CCDC40: variants seen among roughly 807,000 people sequenced by gnomAD.
CCDC40 encodes coiled-coil domain 40 molecular ruler complex subunit.
A neutral mutation model predicts 124.5 loss-of-function variants in CCDC40; 104 were observed. The ratio of observed to expected loss-of-function variants is 0.84; its 90% confidence interval spans 0.71 to 0.98. The LOEUF is 0.98. CCDC40 is among the 50% of genes least tolerant of loss of function. The probability of loss-of-function intolerance (pLI) is 0.00; values close to 1 mark genes in which losing one functional copy is unlikely to be tolerated. For missense variants in CCDC40, 1,463 were observed against 1,503.9 expected, an observed-to-expected ratio of 0.97 and a Z score of 0.45; for synonymous variants, 580 against 602.9, an observed-to-expected ratio of 0.96 and a Z score of 0.56.
intron 10 of CCDC40, among the ~76,000 whole-genome samples, chr17:80,077,249 C>T (rs1435764521): frequency 6.6e-6 from 1 of 152,026 alleles, no homozygotes; most frequent in Non-Finnish European, 1.5e-5. Flanking sequence ...TGCTTGCCGG[C>T]CGTGGTGGCT....
chr17:80,068,687 C>G (rs566212966), intron 10 of CCDC40, among the ~76,000 whole-genome samples: 37 of 152,054 alleles, frequency 2.4e-4, no homozygotes, highest in African/African-American at 8.9e-4. Context: ...TGGGGCAGGA[C>G]CCCCTGGCCC....
chr17:80,046,307 G>C (rs527415196), intron 3 of CCDC40, among the ~76,000 whole-genome samples: 13 of 152,138 alleles, frequency 8.5e-5, no homozygotes, highest in Non-Finnish European at 1.6e-4. Flanking sequence ...AAAGCGGAAA[G>C]GCTGAATGAG....
intron 5 of CCDC40, 44 bp from the exon 6 acceptor site, chr17:80,049,862 G>A (rs745997934): frequency 6.4e-7 from 1 of 1,568,106 alleles, no homozygotes; most frequent in Non-Finnish European, 8.8e-7. Flanking sequence ...TCGGGCAGGA[G>A]GGTAACCAGA....
chr17:80,056,268 C>T (rs1252516428), intron 7 of CCDC40, among the ~76,000 whole-genome samples: 2 of 151,574 alleles, frequency 1.3e-5, no homozygotes, highest in African/African-American at 2.4e-5. Flanking sequence ...ACCCACTGCT[C>T]GGTTCCTCGC....
rs372392201 is a variant in CCDC40 at position 80,050,251 on chromosome 17, C to G, written c.1127C>G (p.Thr376Ser). Reference sequence around the variant, plus strand: ...GCCGCCCGCGCTCTCTACACCAAGACCTGCGCAGCCGCCAACGAGGAGCGC... The same window carrying G: ...GCCGCCCGCGCTCTCTACACCAAGAGCTGCGCAGCCGCCAACGAGGAGCGC... ...LQAARALYTK[T>S]CAAANEERKK... Residue 376 changes from threonine (T) to serine (S), a missense_variant, in exon 7 of 20, where the codon ACC becomes AGC. By Grantham distance (58) the Thr-to-Ser change is moderately conservative (BLOSUM62 1). Transcript: ENST00000397545. 2.2e-4 allele frequency: 347 copies of G among 1,585,132 alleles called. No individual in the cohort carries two copies. The highest frequency in any genetic ancestry group is 2.9e-4 in the Non-Finnish European group (342 of 1,167,596).
At chr17:80,096,126 G>A (rs542358034) in intron 18 of CCDC40, among the ~76,000 whole-genome samples, 69 of 152,344 alleles carry the variant, frequency 4.5e-4, no homozygotes, top group Middle Eastern at 3.4e-3. Flanking sequence ...GCAGGGCCTC[G>A]TCTGCTGGGG....
At chr17:80,056,016 A>ATATATTTTTTTTTTTTTT in intron 7 of CCDC40, among the ~76,000 whole-genome samples, 1 of 10,252 alleles carries the variant, frequency 9.8e-5, no homozygotes, top group Non-Finnish European at 1.6e-4. Context: ...ATATATATAT[A>ATATATTTTTTTTTTTTTT]TTTTTTTTTT....
chr17:80,090,667 G>A (rs1343341394), intron 17 of CCDC40: 3 of 1,434,894 alleles, frequency 2.1e-6, no homozygotes, highest in Non-Finnish European at 2.7e-6. Context: ...TCACAGCCGC[G>A]TTGTCTCTCC....
At chr17:80,077,936 C>T (rs115912501) in intron 10 of CCDC40, among the ~76,000 whole-genome samples, 516 of 152,310 alleles carry the variant, frequency 3.4e-3, no homozygotes, top group African/African-American at 0.012. Flanking sequence ...TACCTCTTTA[C>T]AGTGTCTTTT....
At position 80,058,685 on chromosome 17, in the gene CCDC40, A is replaced by C. The variant is rs1354651580; in HGVS notation, c.1317+34A>C. ...CAAACTCGACACATGTTTAATGATC[A>C]CCAGACCGTGGAGCTTCAAAAAGGG... is the stretch of plus-strand genomic sequence containing the variant. On this transcript the variant is annotated intron_variant, in intron 8 of 19. Transcript: ENST00000397545. The surrounding 1 kb of genome is among the most constrained non-coding windows in gnomAD (Gnocchi z 4.2). The C allele has an allele frequency of 6.2e-7, 1 of 1,613,132 alleles. No homozygotes were observed. The highest frequency in any genetic ancestry group is 2.2e-5 in the East Asian group (1 of 44,880).
intron 10 of CCDC40, chr17:80,067,753 A>G (rs1568693696): frequency 1.3e-6 from 2 of 1,496,462 alleles, no homozygotes; most frequent in African/African-American, 2.8e-5. Context: ...TCTAGCGGGT[A>G]TTGCTAAGTA....
chr17:80,050,118 T>C lies in CCDC40; in HGVS notation c.994T>C (p.Tyr332His), dbSNP rs371604414. 3.6e-5 allele frequency: 58 copies of C among 1,613,450 alleles called. No individual in the cohort carries two copies. The highest frequency in any genetic ancestry group is 1.2e-5 in the Non-Finnish European group (14 of 1,179,760). The change falls in exon 7 of 20, where the codon TAT becomes CAT. Residue 332 changes from tyrosine to histidine, a missense_variant. Coordinates refer to ENST00000397545, the MANE Select transcript of CCDC40 (RefSeq NM_017950.4). ...GCGGCAGGAGCTGGGGGTGAATCTC[T>C]ATGAGGTGCAGCAGCACCTGGTACA... ...AQRQELGVNL[Y>H]EVQQHLVHLQ...
At chr17:80,048,853 C>T (rs1020663560) in intron 5 of CCDC40, 92 bp downstream of exon 5, 4 of 1,137,804 alleles carry the variant, frequency 3.5e-6, no homozygotes, top group Middle Eastern at 2.0e-4. Flanking sequence ...CCACTCCTGA[C>T]CCTAAATGCT....
In CCDC40 at chr17:80,066,115, T is replaced by TA; in HGVS notation, c.1562+513dup. 1.4e-6 allele frequency: 1 copy of TA among 702,888 alleles called. No individual in the cohort carries two copies. Among genetic ancestry groups the TA allele is most frequent in the East Asian group, 2.7e-5 (1 of 37,262 alleles). 43.5% of individuals were successfully genotyped at this position (702,888 alleles called of 1,614,324 possible). A position where few individuals can be genotyped will look rare whatever the true frequency, so the allele number is the denominator to read the frequency against. Reference sequence around the variant, plus strand: ...GAGACACAGGTGCTGCCTTCATTCCTAAAACCACCCAGGGTGACCAGGTCT... The same window carrying TA: ...GAGACACAGGTGCTGCCTTCATTCCTAAAAACCACCCAGGGTGACCAGGTCT... On this transcript the variant is annotated intron_variant, in intron 10 of 19. Coordinates refer to ENST00000397545, the MANE Select transcript of CCDC40 (RefSeq NM_017950.4). This position sits in a 1 kb window ranked among gnomAD's most constrained non-coding sequence, Gnocchi z 4.4.
In CCDC40 at chr17:80,086,269, G is replaced by T. The variant is rs776593659; in HGVS notation, c.2449+53G>T. 5.4e-6 allele frequency: 8 copies of T among 1,469,488 alleles called. No individual in the cohort carries two copies. In the African/African-American group the frequency reaches 1.1e-4, roughly 21 times the overall value. The allele number at this position is 1,469,488 out of a possible 1,614,324, so 91.0% of individuals were successfully genotyped here. ...GTGATGCTGAGACGAGCTCTGGGAC[G>T]TGGGCACCTCCCAGGGGAGGGGCAC... On this transcript the variant is annotated intron_variant, in intron 14 of 19. Transcript: ENST00000397545. The surrounding 1 kb of genome is among the most constrained non-coding windows in gnomAD (Gnocchi z 5.5).
Position 80,066,234 on chromosome 17 carries a change from T to C in CCDC40, c.1562+628T>C, listed in dbSNP as rs772855002. On this transcript the variant is annotated intron_variant, in intron 10 of 19. Transcript: ENST00000397545. The surrounding 1 kb of genome is among the most constrained non-coding windows in gnomAD (Gnocchi z 4.4). ...CTCCACCTTTCGTAGTCTCCACCCC[T>C]TGTGCCCAGCACAGAGCCTGGCATA... 43 of 701,890 alleles carry C rather than the reference T, an allele frequency of 6.1e-5. No individual in the cohort carries two copies. In the South Asian group the frequency reaches 6.4e-4, roughly 10 times the overall value. 43.5% of individuals were successfully genotyped at this position (701,890 alleles called of 1,614,324 possible).
In CCDC40 at chr17:80,058,315, T is replaced by C. The variant is rs572707837; in HGVS notation, c.1160-179T>C. Among the ~76,000 whole-genome samples, 3 of 152,332 alleles carry C rather than the reference T, an allele frequency of 2.0e-5. No individual in the cohort carries two copies. Among genetic ancestry groups the C allele is most frequent in the African/African-American group, 7.2e-5 (3 of 41,582 alleles). On this transcript the variant is annotated intron_variant, in intron 7 of 19. Coordinates refer to ENST00000397545, the MANE Select transcript of CCDC40 (RefSeq NM_017950.4). The surrounding 1 kb of genome is among the most constrained non-coding windows in gnomAD (Gnocchi z 4.2). ...GTCTCTTCCAAGAGACTGTAAACTC[T>C]TTGCTGACAAAGTCTGTGTCTTGAT...
chr17:80,091,554 T>TTTTG (rs55966140), intron 17 of CCDC40, among the ~76,000 whole-genome samples: 143,605 of 145,938 alleles, frequency 0.98, 70,662 homozygotes, highest in East Asian at 1. Flanking sequence ...TCTTCTGCCT[T>TTTTG]TTCTCCTCAG....
intron 9 of CCDC40, among the ~76,000 whole-genome samples, chr17:80,064,175 C>T (rs1055151747): frequency 1.3e-5 from 2 of 152,186 alleles, no homozygotes; most frequent in Non-Finnish European, 2.9e-5. Flanking sequence ...TTCAGAAACC[C>T]TCACAGCCAA....
Sources: gnomAD v4.1 joint callset for allele counts (sites outside exome capture counted in the v4.1 genomes callset) on GRCh38, gnomAD v4.1.1 for gene constraint, Gnocchi (gnomAD v3.1) non-coding constraint, MANE v1.5 for transcripts, NCBI Gene and HGNC (gene_info 2026-07-23, HGNC 2026-07-21) for gene names.